ZFPM2: variants seen among roughly 807,000 people sequenced by gnomAD.
ZFPM2 encodes the protein zinc finger protein, FOG family member 2.
In ZFPM2, 20 loss-of-function variants were observed where a neutral mutation model predicts 98.6. The ratio of observed to expected loss-of-function variants is 0.20; its 90% CI spans 0.14 to 0.29. The LOEUF is 0.29. Among genes scored for constraint, ZFPM2 ranks in the 10% least tolerant of loss-of-function variants. The pLI is 1.00. For synonymous variants in ZFPM2, 518 were observed against 502.7 expected (o/e 1.03, Z -0.41); for missense variants, 1,310 against 1,388.6 (o/e 0.94, Z 0.90).
chr8:105,638,919 T>C (rs956045516), intron 5 of ZFPM2, among the ~76,000 whole-genome samples: 24 of 152,208 alleles, frequency 1.6e-4, no homozygotes, highest in South Asian at 4.1e-4. Flanking sequence ...CTGATGTACA[T>C]TGTTCCTGCC....
At chr8:105,411,772 C>T (rs1300194075) in intron 1 of ZFPM2, among the ~76,000 whole-genome samples, 1 of 151,750 alleles carries the variant, frequency 6.6e-6, no homozygotes, top group African/African-American at 2.4e-5. Context: ...CACTAACTTC[C>T]TGGGTCAATG....
At chr8:105,740,375 A>G (rs956800096) in intron 5 of ZFPM2, among the ~76,000 whole-genome samples, 5 of 151,862 alleles carry the variant, frequency 3.3e-5, no homozygotes, top group Admixed American at 6.6e-5. Flanking sequence ...ATGAAGTGAT[A>G]AAAAGATGAT....
At chr8:105,394,241 AAGTGGGG>A (rs1563638538) in intron 1 of ZFPM2, among the ~76,000 whole-genome samples, 2 of 152,136 alleles carry the variant, frequency 1.3e-5, no homozygotes, top group East Asian at 3.9e-4. Flanking sequence ...ATGCTCCTGC[AAGTGGGG>A]AGTTTGGATG....
chr8:105,380,697 C>A (rs13271321), intron 1 of ZFPM2, among the ~76,000 whole-genome samples: 1 of 10,030 alleles, frequency 1.0e-4, no homozygotes, highest in Non-Finnish European at 1.7e-4. Flanking sequence ...TTATATATAA[C>A]ATATATAATA....
At chr8:105,744,735 G>A (rs200785245) in intron 5 of ZFPM2, among the ~76,000 whole-genome samples, 1 of 100 alleles carries the variant, frequency 0.01, no homozygotes, top group South Asian at 0.25. Flanking sequence ...TTTCTAGCCG[G>A]AAAAACAGCA....
At chr8:105,746,581 A>T (rs191608142) in intron 5 of ZFPM2, among the ~76,000 whole-genome samples, 1 of 151,784 alleles carries the variant, frequency 6.6e-6, no homozygotes, top group East Asian at 1.9e-4. Flanking sequence ...GTATTTTCTT[A>T]GCAGATATGT....
At chr8:105,770,034 TTTTA>T (rs529660891) in intron 5 of ZFPM2, among the ~76,000 whole-genome samples, 1 of 152,072 alleles carries the variant, frequency 6.6e-6, no homozygotes, top group African/African-American at 2.4e-5. Flanking sequence ...TTGTTTCCTT[TTTTA>T]TTTATTTATA....
In ZFPM2 at chr8:105,419,127, C is replaced by T. The variant is rs751862298; in HGVS notation, c.41-17C>T. The T allele has an allele frequency of 1.9e-6, 3 of 1,606,808 alleles. No homozygotes were observed. The highest frequency in any genetic ancestry group is 2.5e-6 in the Non-Finnish European group (3 of 1,177,556). Reference sequence around the variant, plus strand: ...CCTTGCATATTTTTGGTACAGTTTCCCTGATTCTTTTTCAAGGGCCGCTTG... The same window carrying T: ...CCTTGCATATTTTTGGTACAGTTTCTCTGATTCTTTTTCAAGGGCCGCTTG... On this transcript the variant is annotated splice_polypyrimidine_tract_variant and intron_variant, in intron 1 of 7. Coordinates refer to ENST00000407775, the MANE Select transcript of ZFPM2 (RefSeq NM_012082.4).
chr8:105,487,707 T>TA (rs201082029), intron 3 of ZFPM2, among the ~76,000 whole-genome samples: 1,746 of 151,328 alleles, frequency 0.012, 34 homozygotes, highest in African/African-American at 0.04. Context: ...TAATAGGAAT[T>TA]AAAAAAAAAC....
chr8:105,349,896 C>T (rs1383593), intron 1 of ZFPM2, among the ~76,000 whole-genome samples: 126,037 of 152,082 alleles, frequency 0.83, 52,387 homozygotes, highest in East Asian at 0.97. Context: ...ATTTTGTATT[C>T]CTGCTCTGTA....
intron 1 of ZFPM2, among the ~76,000 whole-genome samples, chr8:105,341,396 A>G (rs2342787): frequency 0.11 from 17,442 of 151,892 alleles, 1,209 homozygotes; most frequent in Non-Finnish European, 0.15. Flanking sequence ...GCATTATGAT[A>G]TTATACAATA....
intron 5 of ZFPM2, among the ~76,000 whole-genome samples, chr8:105,681,277 C>A (rs1220255486): frequency 2.6e-5 from 4 of 152,090 alleles, no homozygotes; most frequent in Admixed American, 2.0e-4. Flanking sequence ...CATCAGTTCC[C>A]AGAATCCATC....
intron 1 of ZFPM2, chr8:105,418,713 T>C (rs1235851598): frequency 3.3e-5 from 16 of 490,624 alleles, no homozygotes; most frequent in Admixed American, 2.7e-4. Context: ...CTCAGTTCAA[T>C]TAAAATGCAT....
At chr8:105,453,483 A>C (rs1490429830) in intron 3 of ZFPM2, among the ~76,000 whole-genome samples, 3 of 152,146 alleles carry the variant, frequency 2.0e-5, no homozygotes, top group African/African-American at 7.2e-5. Flanking sequence ...TTTATACTTT[A>C]ATATGCAAAG....
intron 1 of ZFPM2, among the ~76,000 whole-genome samples, chr8:105,332,033 A>G (rs1441431987): frequency 1.3e-5 from 2 of 151,274 alleles, no homozygotes; most frequent in Admixed American, 6.6e-5. Context: ...TCCCTATCCA[A>G]CTCCTACCCA....
chr8:105,536,101 C>A (rs1185803018), intron 3 of ZFPM2, among the ~76,000 whole-genome samples: 1 of 152,038 alleles, frequency 6.6e-6, no homozygotes, highest in Non-Finnish European at 1.5e-5. Context: ...ATAGTTTAAA[C>A]AAAAATTCTA....
At chr8:105,695,686 G>C (rs1586203684) in intron 5 of ZFPM2, among the ~76,000 whole-genome samples, 1 of 152,090 alleles carries the variant, frequency 6.6e-6, no homozygotes, top group East Asian at 1.9e-4. Context: ...AGGTGCTTAA[G>C]ATATTTTTGC....
At chr8:105,712,634 G>A (rs1055021153) in intron 5 of ZFPM2, among the ~76,000 whole-genome samples, 1 of 151,928 alleles carries the variant, frequency 6.6e-6, no homozygotes, top group African/African-American at 2.4e-5. Flanking sequence ...GTGATGCTGA[G>A]GTTTGGGCTT....
chr8:105,681,843 TC>T (rs1810612309), intron 5 of ZFPM2, among the ~76,000 whole-genome samples: 1 of 152,178 alleles, frequency 6.6e-6, no homozygotes, highest in African/African-American at 2.4e-5. Flanking sequence ...GTCTTTTTTT[TC>T]AACACTGACA....
Sources: gnomAD v4.1 joint callset for allele counts (sites outside exome capture counted in the v4.1 genomes callset) on GRCh38, gnomAD v4.1.1 for gene constraint, MANE v1.5 for transcripts, NCBI Gene and HGNC (gene_info 2026-07-23, HGNC 2026-07-21) for gene names.